C1orf174: variants seen among roughly 807,000 people sequenced by gnomAD.
C1orf174 encodes the protein chromosome 1 open reading frame 174.
A neutral mutation model predicts 18.4 loss-of-function variants in C1orf174; 13 were observed. That is an observed-to-expected ratio of 0.71 (90% CI 0.46 to 1.12). The LOEUF (loss-of-function observed/expected upper bound fraction) is 1.12. Ranked by LOEUF, C1orf174 falls within the 50% of genes most tolerant of loss-of-function variation. The probability of loss-of-function intolerance (pLI) is 0.00; values close to 1 mark genes in which losing one functional copy is unlikely to be tolerated. For missense variants in C1orf174, 309 were observed against 308.0 expected, an observed-to-expected ratio of 1.00 and a Z score of -0.02; for synonymous variants, 100 against 118.3, an observed-to-expected ratio of 0.85 and a Z score of 1.01.
intron 1 of C1orf174, among the ~76,000 whole-genome samples, chr1:3,894,403 C>G (rs1449202491): frequency 6.6e-6 from 1 of 151,814 alleles, no homozygotes; most frequent in South Asian, 2.1e-4. Context: ...GTCAGGAGAT[C>G]GAGACCATCC....
At chr1:3,898,375 T>C (rs752990280) in intron 1 of C1orf174, among the ~76,000 whole-genome samples, 53 of 152,126 alleles carry the variant, frequency 3.5e-4, no homozygotes, top group African/African-American at 1.2e-3. Flanking sequence ...CCGGGCGTAG[T>C]GGCAGCCTCC....
chr1:3,900,195 G>T lies in C1orf174; in HGVS notation c.-9C>A. ...ACCTTCCGGCTCCTCATGAGTGTGA[G>T]CACCGCAGCCAAGCACCGCGCGCCC... is the stretch of plus-strand genomic sequence containing the variant. On this transcript the variant is annotated 5_prime_UTR_variant, in exon 1 of 4. Coordinates refer to ENST00000361605, the MANE Select transcript of C1orf174 (RefSeq NM_207356.3). 1.3e-6 allele frequency: 2 copies of T among 1,583,380 alleles called. No homozygotes were observed.
rs201743420 is a variant in C1orf174, at chr1:3,890,842, C to T, written c.345G>A (p.Gly115=). The change falls in exon 3 of 4, where the codon GGG becomes GGA. Residue 115 remains glycine, a synonymous_variant. Coordinates refer to ENST00000361605, the MANE Select transcript of C1orf174 (RefSeq NM_207356.3). ...AGCCACCGAGAGGAAGACTTGCAGC[C>T]CCCTGCTGCACAGAAACGCCAGCCT... ...GSEAGVSVQQ[G]AASLPLGGCR... 1.2e-6 allele frequency: 2 copies of T among 1,613,524 alleles called. No homozygotes were observed. Among genetic ancestry groups the T allele is most frequent in the Non-Finnish European group, 8.5e-7 (1 of 1,180,018 alleles).
At chr1:3,890,345 C>G (rs1638483022) in intron 3 of C1orf174, among the ~76,000 whole-genome samples, 1 of 152,206 alleles carries the variant, frequency 6.6e-6, no homozygotes, top group Admixed American at 6.5e-5. Flanking sequence ...AACCTGATTT[C>G]ATGGAAACAC....
intron 1 of C1orf174, among the ~76,000 whole-genome samples, chr1:3,898,342 T>C (rs188447706): frequency 9.3e-4 from 141 of 152,190 alleles, no homozygotes; most frequent in Admixed American, 2.0e-3. Flanking sequence ...AAAACCTGTC[T>C]CCAGTAAAAA....
intron 1 of C1orf174, among the ~76,000 whole-genome samples, chr1:3,896,693 C>G (rs558513733): frequency 6.6e-6 from 1 of 152,370 alleles, no homozygotes; most frequent in African/African-American, 2.4e-5. Flanking sequence ...GAACCAGAGA[C>G]TAACACGGCT....
chr1:3,898,786 C>CAAAG (rs58663935), intron 1 of C1orf174, among the ~76,000 whole-genome samples: 36,782 of 151,934 alleles, frequency 0.24, 5,502 homozygotes, highest in African/African-American at 0.42. Flanking sequence ...AATAACAAAA[C>CAAAG]AAAGTGGGTG....
chr1:3,890,869 G>A lies in C1orf174; in HGVS notation c.318C>T (p.Ser106=), dbSNP rs778975323. 5.0e-6 allele frequency: 8 copies of A among 1,613,214 alleles called. No individual in the cohort carries two copies. The highest frequency in any genetic ancestry group is 4.0e-5 in the African/African-American group (3 of 74,754). ...FAEGSALLPG[S]EAGVSVQQGA... is the part of the protein sequence containing the mutation. ...CCTGCTGCACAGAAACGCCAGCCTC[G>A]CTGCCTGGAAGCAAGGCACTGCCTT... Residue 106 remains serine (S), a synonymous_variant, in exon 3 of 4, where the codon AGC becomes AGT. Coordinates refer to ENST00000361605, the MANE Select transcript of C1orf174 (RefSeq NM_207356.3).
rs777384774 is a variant in C1orf174, at chr1:3,900,235, C to G, written c.-49G>C. ...ACCGCGCGCCCCGGCCAACGCGTCC[C>G]GGCGGAGCGGCGACCCGGAGTCTGC... is the stretch of plus-strand genomic sequence containing the variant. On this transcript the variant is annotated 5_prime_UTR_variant, in exon 1 of 4. Coordinates refer to ENST00000361605, the MANE Select transcript of C1orf174 (RefSeq NM_207356.3). 9 of 1,535,264 alleles carry G rather than the reference C, an allele frequency of 5.9e-6. No individual in the cohort carries two copies. The highest frequency in any genetic ancestry group is 3.6e-5 in the South Asian group (3 of 82,776).
Position 3,900,268 on chromosome 1 carries a change from G to A in C1orf174, c.-82C>T. 4.2e-6 allele frequency: 6 copies of A among 1,438,040 alleles called. No individual in the cohort carries two copies. The highest frequency in any genetic ancestry group is 5.4e-6 in the Non-Finnish European group (6 of 1,104,824). 89.1% of individuals were successfully genotyped at this position (1,438,040 alleles called of 1,614,324 possible). ...CGGCGACCCGGAGTCTGCAGAGCGC[G>A]CCGCGGCGGCGTCCGACGTCAGCAC... On this transcript the variant is annotated 5_prime_UTR_variant, in exon 1 of 4. Coordinates refer to ENST00000361605, the MANE Select transcript of C1orf174 (RefSeq NM_207356.3).
Position 3,900,227 on chromosome 1 carries a change from A to C in C1orf174, c.-41T>G, listed in dbSNP as rs200126694. On this transcript the variant is annotated 5_prime_UTR_variant, in exon 1 of 4. Transcript: ENST00000361605. ...AGCCAAGCACCGCGCGCCCCGGCCA[A>C]CGCGTCCCGGCGGAGCGGCGACCCG... 582 of 1,551,988 alleles carry C rather than the reference A, an allele frequency of 3.8e-4. 11 individuals are homozygous for C. The East Asian group carries it at 0.014, about 38-fold the overall frequency.
At position 3,891,039 on chromosome 1, in the gene C1orf174, C is replaced by T; in HGVS notation, c.148G>A (p.Ala50Thr). 1 of 1,611,306 alleles carries T rather than the reference C, an allele frequency of 6.2e-7. No individual in the cohort carries two copies. Among genetic ancestry groups the T allele is most frequent in the Non-Finnish European group, 8.5e-7 (1 of 1,178,838 alleles). ...TTCTTGGACGTTCGCGTGTCTGTGG[C>T]TTTGTGGGATGAGGAAGTCTGTCAA... The part of the protein sequence containing the change: ...TACLTSSSHK[A>T]TDTRTSKKFK... The change falls in exon 3 of 4, where the codon GCC becomes ACC. Residue 50 changes from alanine to threonine, a missense_variant. Physicochemically the swap from Ala to Thr is moderately conservative, Grantham distance 58. Coordinates refer to ENST00000361605, the MANE Select transcript of C1orf174 (RefSeq NM_207356.3).
At chr1:3,897,504 A>G (rs994834368) in intron 1 of C1orf174, among the ~76,000 whole-genome samples, 10 of 152,224 alleles carry the variant, frequency 6.6e-5, no homozygotes, top group African/African-American at 2.4e-4. Context: ...ACGAAGAAAA[A>G]TAAAGCAAGC....
chr1:3,896,866 C>T (rs1638615447), intron 1 of C1orf174, among the ~76,000 whole-genome samples: 1 of 152,212 alleles, frequency 6.6e-6, no homozygotes, highest in African/African-American at 2.4e-5. Flanking sequence ...AGTTCAACAG[C>T]TGGATGTGGT....
Position 3,890,484 on chromosome 1 carries a change from T to G in C1orf174, c.618+85A>C, listed in dbSNP as rs1638485084. 2.0e-6 allele frequency: 3 copies of G among 1,527,444 alleles called. No homozygotes were observed. The South Asian group carries it at 3.7e-5, about 19-fold the overall frequency. The allele number at this position is 1,527,444 out of a possible 1,614,324, so 94.6% of individuals were successfully genotyped here. A position where few individuals can be genotyped will look rare whatever the true frequency, so the allele number is the denominator to read the frequency against. On this transcript the variant is annotated intron_variant, in intron 3 of 3. Coordinates refer to ENST00000361605, the MANE Select transcript of C1orf174 (RefSeq NM_207356.3). ...GTTTAATGTTGTGTCGAGGCATTAT[T>G]TACCTGCACTGAGTGGGGAGTGTGT...
Position 3,890,900 on chromosome 1 carries a change from A to G in C1orf174, c.287T>C (p.Phe96Ser), listed in dbSNP as rs1638498452. ...TGGAAGCAAGGCACTGCCTTCAGCA[A>G]ACTCATTTTCACAAGGGGTCTCAGG... ...VTPETPCENE[F>S]AEGSALLPGS... The change falls in exon 3 of 4, where the codon TTT becomes TCT. Residue 96 changes from phenylalanine (F) to serine (S), a missense_variant. Transcript: ENST00000361605. 2.5e-6 allele frequency: 4 copies of G among 1,614,040 alleles called. No individual in the cohort carries two copies. The highest frequency in any genetic ancestry group is 3.4e-6 in the Non-Finnish European group (4 of 1,180,034).
intron 1 of C1orf174, among the ~76,000 whole-genome samples, chr1:3,897,799 A>G (rs963038924): frequency 2.0e-5 from 3 of 151,942 alleles, no homozygotes; most frequent in Non-Finnish European, 1.5e-5. Flanking sequence ...AAGTAGCTGG[A>G]ACTACAGGCG....
intron 1 of C1orf174, among the ~76,000 whole-genome samples, chr1:3,898,516 A>AAACAACAACAACAAC (rs774183697): frequency 3.2e-4 from 44 of 139,322 alleles, no homozygotes; most frequent in African/African-American, 8.9e-4. Flanking sequence ...CTCAAAGCAA[A>AAACAACAACAACAAC]AACAACAACA....
intron 1 of C1orf174, among the ~76,000 whole-genome samples, chr1:3,898,782 A>T (rs1222947637): frequency 7.2e-6 from 1 of 138,596 alleles, no homozygotes; most frequent in Non-Finnish European, 1.5e-5. Context: ...TGCCAATAAC[A>T]AAACAAAGTG....
Sources: allele counts gnomAD v4.1 joint callset (sites outside exome capture counted in the v4.1 genomes callset), GRCh38; gene constraint gnomAD v4.1.1; transcripts MANE v1.5; gene names NCBI Gene and HGNC (gene_info 2026-07-23, HGNC 2026-07-21).